RNF214: variants seen among roughly 807,000 people sequenced by gnomAD.
RNF214 encodes ring finger protein 214.
In RNF214, 25 loss-of-function variants were observed where a neutral mutation model predicts 75.9. The observed-to-expected ratio is 0.33, with a 90% confidence interval of 0.24 to 0.46. RNF214 has a LOEUF of 0.46. Among genes scored for constraint, RNF214 ranks in the 20% least tolerant of loss-of-function variants. RNF214 has a pLI of 1.00. For missense variants in RNF214, 725 were observed against 857.5 expected (o/e 0.85, Z 1.93); for synonymous variants, 314 against 308.8 (o/e 1.02, Z -0.18).
intron 4 of RNF214, among the ~76,000 whole-genome samples, chr11:117,240,666 C>G (rs1414940605): frequency 2.0e-5 from 3 of 151,756 alleles, no homozygotes; most frequent in African/African-American, 7.3e-5. Context: ...CCAGCCTGGA[C>G]AACAGAGAAG....
intron 6 of RNF214, among the ~76,000 whole-genome samples, chr11:117,276,510 G>C (rs1417021143): frequency 6.6e-6 from 1 of 152,176 alleles, no homozygotes; most frequent in Non-Finnish European, 1.5e-5. Flanking sequence ...TCAGGAATTT[G>C]AGGTGGGAGT....
chr11:117,258,216 A>G (rs2033570154), intron 6 of RNF214, among the ~76,000 whole-genome samples: 1 of 151,900 alleles, frequency 6.6e-6, no homozygotes, highest in Non-Finnish European at 1.5e-5. Context: ...CTACAGGTGC[A>G]TGCCACCACA....
chr11:117,274,845 A>T (rs1479352529), intron 6 of RNF214, among the ~76,000 whole-genome samples: 1 of 150,720 alleles, frequency 6.6e-6, no homozygotes, highest in Non-Finnish European at 1.5e-5. Flanking sequence ...AATTTTTGTA[A>T]ATTTTTTTTT....
intron 6 of RNF214, among the ~76,000 whole-genome samples, chr11:117,259,785 G>T (rs1175625987): frequency 6.6e-6 from 1 of 151,810 alleles, no homozygotes; most frequent in African/African-American, 2.4e-5. Context: ...AGTTTTTATT[G>T]TTGTGTAGTA....
chr11:117,283,715 C>T (rs1422719607), intron 14 of RNF214, among the ~76,000 whole-genome samples: 1 of 152,058 alleles, frequency 6.6e-6, no homozygotes, highest in Non-Finnish European at 1.5e-5. Flanking sequence ...GACTGGAATG[C>T]AGTGGCACGA....
intron 6 of RNF214, among the ~76,000 whole-genome samples, chr11:117,260,190 G>A (rs932503141): frequency 2.1e-4 from 32 of 151,834 alleles, no homozygotes; most frequent in Non-Finnish European, 5.9e-5. Flanking sequence ...ATTCACAGGT[G>A]CAGTCATAGC....
chr11:117,271,100 A>C (rs747400174), intron 6 of RNF214, among the ~76,000 whole-genome samples: 1 of 151,390 alleles, frequency 6.6e-6, no homozygotes. Flanking sequence ...GGTTTTTGCC[A>C]TGTTGCCCAG....
At chr11:117,234,567 ATGTT>A in intron 2 of RNF214, among the ~76,000 whole-genome samples, 188 bp downstream of exon 2, 1 of 152,356 alleles carries the variant, frequency 6.6e-6, no homozygotes, top group African/African-American at 2.4e-5. Context: ...GGCATGCTAA[ATGTT>A]TGGGGAATAA....
chr11:117,282,690 A>T, intron 12 of RNF214, 56 bp from the exon 13 acceptor site: 1 of 1,561,262 alleles, frequency 6.4e-7, no homozygotes, highest in South Asian at 1.1e-5. Flanking sequence ...GATTTTTGTG[A>T]TATGCTCTGT....
intron 6 of RNF214, among the ~76,000 whole-genome samples, chr11:117,275,094 A>C (rs2033989491): frequency 6.6e-6 from 1 of 152,222 alleles, no homozygotes; most frequent in African/African-American, 2.4e-5. Context: ...TAAAACTAGA[A>C]ATCAGTTTGA....
At chr11:117,277,684 AGT>A (rs574075983) in intron 6 of RNF214, among the ~76,000 whole-genome samples, 5 of 152,176 alleles carry the variant, frequency 3.3e-5, no homozygotes, top group Non-Finnish European at 7.4e-5. Flanking sequence ...ACTGAAGAAA[AGT>A]GGGGGCCAGG....
intron 6 of RNF214, among the ~76,000 whole-genome samples, chr11:117,258,589 CT>C (rs367664616): frequency 2.0e-5 from 3 of 149,196 alleles, no homozygotes; most frequent in South Asian, 4.3e-4. Context: ...ATATACAAAT[CT>C]TTTTTTTTTC....
chr11:117,271,188 C>G (rs1468625097), intron 6 of RNF214, among the ~76,000 whole-genome samples: 3 of 152,212 alleles, frequency 2.0e-5, no homozygotes, highest in African/African-American at 7.2e-5. Flanking sequence ...GTGTGAGTCA[C>G]TTCGCCCAGC....
At chr11:117,277,588 G>A (rs759921683) in intron 6 of RNF214, among the ~76,000 whole-genome samples, 2 of 152,180 alleles carry the variant, frequency 1.3e-5, no homozygotes, top group African/African-American at 2.4e-5. Flanking sequence ...AGAGGAAAGG[G>A]CCTCATAAAC....
intron 6 of RNF214, among the ~76,000 whole-genome samples, chr11:117,251,433 C>A (rs1279566773): frequency 4.8e-5 from 5 of 104,966 alleles, no homozygotes; most frequent in Admixed American, 1.8e-4. Flanking sequence ...GGGGGGCTGA[C>A]CCCCCCACCT....
At chr11:117,279,100 AAAAC>A (rs1266903083) in intron 6 of RNF214, among the ~76,000 whole-genome samples, 7 of 152,134 alleles carry the variant, frequency 4.6e-5, no homozygotes, top group Admixed American at 2.0e-4. Flanking sequence ...CTGTCTATAA[AAAAC>A]AAACAAACAA....
chr11:117,233,532 A>G (rs1025757236), intron 1 of RNF214, among the ~76,000 whole-genome samples: 1 of 152,218 alleles, frequency 6.6e-6, no homozygotes, highest in African/African-American at 2.4e-5. Context: ...TCATAAGGTC[A>G]TAAGTTTGCT....
At chr11:117,263,226 G>A (rs1591832138) in intron 6 of RNF214, among the ~76,000 whole-genome samples, 1 of 151,720 alleles carries the variant, frequency 6.6e-6, no homozygotes, top group East Asian at 1.9e-4. Flanking sequence ...GTTTCCCTAA[G>A]TTCTTTAGCT....
At chr11:117,245,432 T>C (rs2033192985) in intron 5 of RNF214, among the ~76,000 whole-genome samples, 1 of 150,964 alleles carries the variant, frequency 6.6e-6, no homozygotes, top group East Asian at 2.0e-4. Flanking sequence ...CTCCGCCTCC[T>C]GGATTCACGC....
Sources: gnomAD v4.1 joint callset for allele counts (sites outside exome capture counted in the v4.1 genomes callset) on GRCh38, gnomAD v4.1.1 for gene constraint, MANE v1.5 for transcripts, NCBI Gene and HGNC (gene_info 2026-07-23, HGNC 2026-07-21) for gene names.